The following RFC2 variants were observed in gnomAD, a reference collection of about 807,000 sequenced individuals.
RFC2 encodes the protein A1 40 kDa subunit.
Under a neutral mutation model 44.8 loss-of-function variants are expected in RFC2, and 34 were observed. The ratio of observed to expected loss-of-function variants is 0.76; its 90% CI spans 0.58 to 1.01. The LOEUF (loss-of-function observed/expected upper bound fraction) is 1.01, where lower values mean the gene tolerates loss of function less well. RFC2 is among the 50% of genes least tolerant of loss of function. RFC2 has a pLI of 0.00. For synonymous variants in RFC2, 177 were observed against 168.9 expected (o/e 1.05, Z -0.37); for missense variants, 400 against 453.6 (o/e 0.88, Z 1.07).
chr7:74,245,444 G>C (rs536596344), intron 5 of RFC2, among the ~76,000 whole-genome samples: 1 of 151,938 alleles, frequency 6.6e-6, no homozygotes, highest in East Asian at 1.9e-4. Flanking sequence ...CGGGCGCAGT[G>C]GCTCACACCT....
intron 6 of RFC2, among the ~76,000 whole-genome samples, chr7:74,241,701 T>C (rs1318777553): frequency 6.6e-5 from 10 of 152,218 alleles, no homozygotes; most frequent in Admixed American, 6.5e-4. Flanking sequence ...GGCTCACGCC[T>C]ATAATCCCAG....
At chr7:74,250,724 T>C (rs1554720922) in intron 2 of RFC2, among the ~76,000 whole-genome samples, 2 of 152,188 alleles carry the variant, frequency 1.3e-5, no homozygotes, top group Non-Finnish European at 2.9e-5. Flanking sequence ...GTGGTCTCCA[T>C]GCTCCCATTC....
intron 10 of RFC2, among the ~76,000 whole-genome samples, chr7:74,235,022 C>T (rs781821800): frequency 2.0e-5 from 3 of 152,096 alleles, no homozygotes; most frequent in Non-Finnish European, 4.4e-5. Context: ...GCAGAGAAAG[C>T]GAAGCCAGGG....
intron 10 of RFC2, 122 bp downstream of exon 10, chr7:74,235,410 G>C (rs1045137210): frequency 4.2e-6 from 3 of 716,048 alleles, no homozygotes; most frequent in East Asian, 2.6e-5. Context: ...TCGAACTCCT[G>C]ACCTCAGGTG....
At chr7:74,239,212 G>A (rs1168056778) in intron 7 of RFC2, among the ~76,000 whole-genome samples, 6 of 126,778 alleles carry the variant, frequency 4.7e-5, no homozygotes, top group East Asian at 2.3e-4. Context: ...GTCTCACTCT[G>A]TCACCCAGCA....
chr7:74,250,942 CCAT>C (rs1159224831), intron 2 of RFC2, among the ~76,000 whole-genome samples: 1 of 152,170 alleles, frequency 6.6e-6, no homozygotes, highest in Non-Finnish European at 1.5e-5. Flanking sequence ...ACGCCCACCA[CCAT>C]GCCTGCCTAA....
chr7:74,232,050 G>T lies in RFC2; in HGVS notation c.*56C>A, dbSNP rs984678837. The T allele has an allele frequency of 3.7e-5, 39 of 1,048,066 alleles. No individual in the cohort carries two copies. The highest frequency in any genetic ancestry group is 1.5e-4 in the Admixed American group (8 of 51,998). The allele number at this position is 1,048,066 out of a possible 1,614,324, so 64.9% of individuals were successfully genotyped here. A position where few individuals can be genotyped will look rare whatever the true frequency, so the allele number is the denominator to read the frequency against. ...CGGCATTTTCCCCCATCAGAAAGCC[G>T]CGGCTCCTGTACCTCAGAATAGGGC... On this transcript the variant is annotated 3_prime_UTR_variant, in exon 11 of 11. Transcript: ENST00000055077.
At chr7:74,235,728 G>A (rs1252824154) in intron 9 of RFC2, 83 bp from the exon 10 acceptor site, 5 of 914,208 alleles carry the variant, frequency 5.5e-6, no homozygotes, top group South Asian at 1.3e-5. Context: ...ACAGCTGGTG[G>A]GGCCCACCCT....
intron 4 of RFC2, among the ~76,000 whole-genome samples, chr7:74,247,090 C>T (rs1270478007): frequency 8.0e-5 from 12 of 149,472 alleles, no homozygotes; most frequent in Non-Finnish European, 1.3e-4. Flanking sequence ...CGGGATCACG[C>T]CACTGCACCC....
At chr7:74,246,975 CT>C (rs539672967) in intron 4 of RFC2, among the ~76,000 whole-genome samples, 4,807 of 134,982 alleles carry the variant, frequency 0.036, 243 homozygotes, top group African/African-American at 0.13. Flanking sequence ...AAAATATACA[CT>C]TTTTTTTTTT....
intron 5 of RFC2, among the ~76,000 whole-genome samples, chr7:74,244,570 C>T (rs1441077171): frequency 6.6e-6 from 1 of 151,570 alleles, no homozygotes; most frequent in Non-Finnish European, 1.5e-5. Flanking sequence ...GGGGTTTCCA[C>T]GTTGGCCAGG....
chr7:74,254,208 C>T (rs1180363740), intron 1 of RFC2, 63 bp downstream of exon 1: 7 of 1,256,768 alleles, frequency 5.6e-6, no homozygotes, highest in Non-Finnish European at 8.0e-6. Context: ...CTCCGGAGCA[C>T]GGCCCGCCAC....
At chr7:74,248,488 AAG>A (rs1803748807) in intron 4 of RFC2, among the ~76,000 whole-genome samples, 1 of 151,562 alleles carries the variant, frequency 6.6e-6, no homozygotes, top group South Asian at 2.1e-4. Context: ...AACTTGAAAA[AAG>A]AGAAAAACTA....
intron 3 of RFC2, 109 bp downstream of exon 3, chr7:74,249,630 G>A (rs1265681648): frequency 2.3e-6 from 2 of 879,760 alleles, no homozygotes; most frequent in East Asian, 2.5e-5. Flanking sequence ...TTTGCCGGGG[G>A]AATGGGAAGG....
rs563138336 is a variant in RFC2, at chr7:74,250,187, T to C, written c.184-407A>G. Among the ~76,000 whole-genome samples the C allele has an allele frequency of 2.7e-4, 41 of 152,134 alleles. No individual in the cohort carries two copies. In the South Asian group the frequency reaches 2.9e-3, roughly 11 times the overall value. ...AAAAAAAACACAAAACCTGGTTAAT[T>C]TGTAAGCTTTAGGAGCTGAATCTCC... On this transcript the variant is annotated intron_variant, in intron 2 of 10. Coordinates refer to ENST00000055077, the MANE Select transcript of RFC2 (RefSeq NM_181471.3).
chr7:74,233,650 T>C (rs1802851833), intron 10 of RFC2: 1 of 221,382 alleles, frequency 4.5e-6, no homozygotes, highest in Admixed American at 5.1e-5. Context: ...GCCCAAGCTG[T>C]AGTGCAGGGG....
chr7:74,251,136 C>G (rs112900941), intron 2 of RFC2, among the ~76,000 whole-genome samples: 10,863 of 151,954 alleles, frequency 0.071, 1,268 homozygotes, highest in African/African-American at 0.24. Flanking sequence ...TCCCTGCCCT[C>G]ACTATGAAGC....
chr7:74,244,453 A>T (rs1231919880), intron 5 of RFC2, among the ~76,000 whole-genome samples: 1 of 151,438 alleles, frequency 6.6e-6, no homozygotes, highest in Non-Finnish European at 1.5e-5. Context: ...CCCGGGTACA[A>T]GCGATTCTCC....
rs1554720078 is a variant in RFC2 at position 74,246,686 on chromosome 7, A to G, written c.410T>C (p.Ile137Thr). 6.2e-7 allele frequency: 1 copy of G among 1,610,670 alleles called. No homozygotes were observed. The highest frequency in any genetic ancestry group is 1.7e-5 in the Admixed American group (1 of 59,688). Residue 137 changes from isoleucine to threonine, a missense_variant, in exon 5 of 11, where the codon ATC becomes ACC. Physicochemically the swap from Ile to Thr is moderately conservative, Grantham distance 89. Transcript: ENST00000055077. ...CCTGTCTGCTTCATCCAGAATGATG[A>G]TCTTATGTCGGCCTTTGGGAAGAGT... ...KVTLPKGRHKIIILDEADSMT... is the reference protein window; with the variant it reads ...KVTLPKGRHKTIILDEADSMT...
Sources: allele counts gnomAD v4.1 joint callset (sites outside exome capture counted in the v4.1 genomes callset), GRCh38; gene constraint gnomAD v4.1.1; transcripts MANE v1.5; gene names NCBI Gene and HGNC (gene_info 2026-07-23, HGNC 2026-07-21).